EYA4: variants seen among roughly 807,000 people sequenced by gnomAD.
EYA4 encodes EYA transcriptional coactivator and phosphatase 4, also known as protein phosphatase EYA4.
A neutral mutation model predicts 87.9 loss-of-function variants in EYA4; 31 were observed. The ratio of observed to expected loss-of-function variants is 0.35; its 90% CI spans 0.27 to 0.48. The LOEUF is 0.48. Among genes scored for constraint, EYA4 ranks in the 20% least tolerant of loss-of-function variants. EYA4 has a pLI of 0.99. For synonymous variants in EYA4, 263 were observed against 270.6 expected (o/e 0.97, Z 0.28); for missense variants, 678 against 761.4 (o/e 0.89, Z 1.29).
chr6:133,363,828 A>G (rs1487501471), intron 2 of EYA4, among the ~76,000 whole-genome samples: 3 of 152,138 alleles, frequency 2.0e-5, no homozygotes, highest in African/African-American at 4.8e-5. Flanking sequence ...AGTCATACTC[A>G]TTGAATAACA....
chr6:133,456,753 C>T, intron 6 of EYA4, 105 bp downstream of exon 6: 3 of 730,286 alleles, frequency 4.1e-6, no homozygotes. Flanking sequence ...GAACTTTGAT[C>T]CTTATAAAGT....
intron 2 of EYA4, among the ~76,000 whole-genome samples, chr6:133,367,420 T>G (rs758716488): frequency 6.6e-6 from 1 of 152,212 alleles, no homozygotes; most frequent in East Asian, 1.9e-4. Flanking sequence ...TACGTATATA[T>G]GTGGCAAGAC....
At chr6:133,396,387 A>T (rs1359052732) in intron 3 of EYA4, among the ~76,000 whole-genome samples, 2 of 152,174 alleles carry the variant, frequency 1.3e-5, no homozygotes, top group Non-Finnish European at 2.9e-5. Flanking sequence ...GATGTTAGAG[A>T]TCATGCTAGA....
rs569230147 is a variant in EYA4 at position 133,442,898 on chromosome 6, A to T, written c.84-3732A>T. Among the ~76,000 whole-genome samples the T allele has an allele frequency of 9.6e-4, 146 of 152,172 alleles. 1 individual carries two copies. Among genetic ancestry groups the T allele is most frequent in the African/African-American group, 3.2e-3 (131 of 41,562 alleles). On this transcript the variant is annotated intron_variant, in intron 3 of 19. Coordinates refer to ENST00000355286, the MANE Select transcript of EYA4 (RefSeq NM_004100.5). ...ATATTGTCAAATTTTTTTTGCACTC[A>T]TGGAAATAATATTATGTTAATATAT...
At chr6:133,419,875 T>G (rs1002023779) in intron 3 of EYA4, among the ~76,000 whole-genome samples, 1 of 152,154 alleles carries the variant, frequency 6.6e-6, no homozygotes, top group Non-Finnish European at 1.5e-5. Flanking sequence ...GCATTAAAGA[T>G]AGACATTTAT....
Position 133,470,490 on chromosome 6 carries a change from G to A in EYA4, c.970+1759G>A, listed in dbSNP as rs1313446626. ...CCAGTACCATGCTGTTTTGGTTACT[G>A]TAGCCTTGTAGTATAGTTTGAAGTC... On this transcript the variant is annotated intron_variant, in intron 11 of 19. Coordinates refer to ENST00000355286, the MANE Select transcript of EYA4 (RefSeq NM_004100.5). Among the ~76,000 whole-genome samples, 5 of 43,808 alleles carry A rather than the reference G, an allele frequency of 1.1e-4. 1 individual carries two copies. Among genetic ancestry groups the A allele is most frequent in the Non-Finnish European group, 1.6e-4 (4 of 25,356 alleles). The allele number at this position is 43,808 out of a possible 152,430, so 28.7% of individuals were successfully genotyped here.
At chr6:133,417,659 C>T (rs1330044144) in intron 3 of EYA4, among the ~76,000 whole-genome samples, 3 of 141,476 alleles carry the variant, frequency 2.1e-5, no homozygotes, top group African/African-American at 3.1e-5. Context: ...ATTGGATATT[C>T]ATAACATGCA....
intron 3 of EYA4, among the ~76,000 whole-genome samples, chr6:133,398,179 G>C (rs543557222): frequency 1.3e-5 from 2 of 152,186 alleles, no homozygotes; most frequent in African/African-American, 4.8e-5. Context: ...CAGAGGAATC[G>C]TGAAAGAAAG....
chr6:133,309,555 T>C (rs1249895222), intron 2 of EYA4, among the ~76,000 whole-genome samples: 1 of 152,248 alleles, frequency 6.6e-6, no homozygotes, highest in Non-Finnish European at 1.5e-5. Flanking sequence ...AAGGCAGTAC[T>C]ATTCCAAAAT....
At chr6:133,454,866 A>G (rs1341191633) in intron 5 of EYA4, among the ~76,000 whole-genome samples, 1 of 152,136 alleles carries the variant, frequency 6.6e-6, no homozygotes, top group African/African-American at 2.4e-5. Flanking sequence ...AGACACTGTC[A>G]TGAGCATAAG....
intron 3 of EYA4, among the ~76,000 whole-genome samples, chr6:133,437,403 G>A (rs952015556): frequency 6.6e-6 from 1 of 152,176 alleles, no homozygotes; most frequent in Non-Finnish European, 1.5e-5. Context: ...TCAAGTTCTG[G>A]TGCTGCTACT....
chr6:133,413,809 T>G (rs1421300052), intron 3 of EYA4, among the ~76,000 whole-genome samples: 1 of 152,202 alleles, frequency 6.6e-6, no homozygotes, highest in Admixed American at 6.5e-5. Flanking sequence ...ATATCCCTTG[T>G]GCACCTTAAA....
chr6:133,514,841 A>G (rs1799452007), intron 16 of EYA4, among the ~76,000 whole-genome samples: 1 of 152,238 alleles, frequency 6.6e-6, no homozygotes, highest in Non-Finnish European at 1.5e-5. Context: ...TAACAGCTAC[A>G]TATGATGATG....
intron 2 of EYA4, among the ~76,000 whole-genome samples, chr6:133,340,238 C>A (rs1782681029): frequency 6.6e-6 from 1 of 152,108 alleles, no homozygotes; most frequent in African/African-American, 2.4e-5. Flanking sequence ...GGTATAGACA[C>A]AGAAAAACCA....
intron 3 of EYA4, among the ~76,000 whole-genome samples, chr6:133,382,758 G>T (rs1293362463): frequency 2.7e-5 from 4 of 148,356 alleles, no homozygotes; most frequent in African/African-American, 5.0e-5. Flanking sequence ...ATCTAAAATT[G>T]TGCCAGATAC....
intron 3 of EYA4, among the ~76,000 whole-genome samples, chr6:133,434,706 G>C (rs1285587222): frequency 2.6e-5 from 4 of 152,130 alleles, no homozygotes; most frequent in African/African-American, 9.7e-5. Flanking sequence ...CATTTTAATA[G>C]GTTACCACCT....
intron 2 of EYA4, among the ~76,000 whole-genome samples, chr6:133,379,755 G>C (rs2128476106): frequency 6.6e-6 from 1 of 152,190 alleles, no homozygotes; most frequent in East Asian, 1.9e-4. Flanking sequence ...GGGATATAAT[G>C]ATGTACCAGA....
chr6:133,425,011 C>T (rs1388256657), intron 3 of EYA4, among the ~76,000 whole-genome samples: 1 of 150,694 alleles, frequency 6.6e-6, no homozygotes, highest in African/African-American at 2.5e-5. Context: ...CTTTCAGAGC[C>T]TTCTGTGTTG....
intron 2 of EYA4, among the ~76,000 whole-genome samples, chr6:133,380,387 C>A (rs1786082660): frequency 6.6e-6 from 1 of 152,104 alleles, no homozygotes; most frequent in Non-Finnish European, 1.5e-5. Context: ...TTAAAACAAG[C>A]AGAACTTTCT....
Sources: allele counts gnomAD v4.1 joint callset (sites outside exome capture counted in the v4.1 genomes callset), GRCh38; gene constraint gnomAD v4.1.1; transcripts MANE v1.5; gene names NCBI Gene and HGNC (gene_info 2026-07-23, HGNC 2026-07-21).